The following AFF3 variants were observed in gnomAD, a reference collection of about 807,000 sequenced individuals.
The protein encoded by AFF3 is AF4/FMR2 family member 3.
In AFF3, 32 loss-of-function variants were observed where a neutral mutation model predicts 129.7. The observed-to-expected ratio is 0.25, with a 90% CI of 0.19 to 0.33. The LOEUF (loss-of-function observed/expected upper bound fraction) is 0.33, where lower values mean the gene tolerates loss of function less well. AFF3 is among the 10% of genes least tolerant of loss of function. AFF3 has a pLI of 1.00. For missense variants in AFF3, 1,373 were observed against 1,592.0 expected (o/e 0.86, Z 2.34); for synonymous variants, 644 against 635.4 (o/e 1.01, Z -0.20).
intron 11 of AFF3, among the ~76,000 whole-genome samples, chr2:99,709,488 T>A (rs1677703052): frequency 6.6e-6 from 1 of 152,130 alleles, no homozygotes; most frequent in South Asian, 2.1e-4. Context: ...ACTCACCAAG[T>A]CAGAGAATGT....
intron 10 of AFF3, among the ~76,000 whole-genome samples, chr2:99,727,444 A>G (rs1459102690): frequency 2.6e-5 from 4 of 152,212 alleles, no homozygotes; most frequent in African/African-American, 9.6e-5. Flanking sequence ...CACTTTACAG[A>G]AAATTTCAGG....
intron 8 of AFF3, among the ~76,000 whole-genome samples, chr2:99,821,712 A>G (rs1687698220): frequency 6.6e-6 from 1 of 152,216 alleles, no homozygotes; most frequent in Non-Finnish European, 1.5e-5. Flanking sequence ...GACTGGAAGC[A>G]CAGTAGGTTT....
At chr2:99,574,562 T>A (rs1056298000) in intron 18 of AFF3, among the ~76,000 whole-genome samples, 1 of 152,202 alleles carries the variant, frequency 6.6e-6, no homozygotes, top group Non-Finnish European at 1.5e-5. Flanking sequence ...CAGGCACTCT[T>A]CCCTGGGAAT....
chr2:99,829,727 C>T (rs1688375233), intron 8 of AFF3, among the ~76,000 whole-genome samples: 2 of 152,138 alleles, frequency 1.3e-5, no homozygotes, highest in African/African-American at 4.8e-5. Flanking sequence ...TGTGGCGATT[C>T]CTCAAGGATC....
At chr2:100,135,841 G>T (rs1340711156) in intron 1 of AFF3, among the ~76,000 whole-genome samples, 1 of 152,184 alleles carries the variant, frequency 6.6e-6, no homozygotes, top group Non-Finnish European at 1.5e-5. Flanking sequence ...AGATTACTTT[G>T]GAGAGCAGGG....
intron 8 of AFF3, among the ~76,000 whole-genome samples, chr2:99,768,915 T>A (rs867459132): frequency 2.6e-5 from 4 of 152,356 alleles, no homozygotes; most frequent in Middle Eastern, 3.4e-3. Flanking sequence ...CTTGTTGCTT[T>A]TAGGATTTTG....
At chr2:99,807,919 G>A (rs1686480084) in intron 8 of AFF3, among the ~76,000 whole-genome samples, 1 of 152,132 alleles carries the variant, frequency 6.6e-6, no homozygotes, top group Non-Finnish European at 1.5e-5. Context: ...GTGCCCCTGA[G>A]CCCCTTCCCA....
At chr2:99,976,915 G>A (rs1137627) in intron 7 of AFF3, among the ~76,000 whole-genome samples, 1 of 151,762 alleles carries the variant, frequency 6.6e-6, no homozygotes, top group East Asian at 1.9e-4. Context: ...GGGGAGAAGA[G>A]ACAGCTGAAA....
intron 7 of AFF3, among the ~76,000 whole-genome samples, chr2:99,950,548 T>C (rs1676055726): frequency 6.6e-6 from 1 of 152,224 alleles, no homozygotes; most frequent in South Asian, 2.1e-4. Flanking sequence ...CTACTAATAA[T>C]GAAGATCATA....
intron 8 of AFF3, among the ~76,000 whole-genome samples, chr2:99,754,363 C>T (rs1255637234): frequency 6.6e-6 from 1 of 152,202 alleles, no homozygotes; most frequent in African/African-American, 2.4e-5. Flanking sequence ...ACACAATTTA[C>T]ATTGTCTGAT....
At chr2:100,107,676 C>T (rs1021623347) in intron 2 of AFF3, among the ~76,000 whole-genome samples, 1 of 152,058 alleles carries the variant, frequency 6.6e-6, no homozygotes, top group Non-Finnish European at 1.5e-5. Context: ...CTTGGCTTCC[C>T]GGGTCAGGTT....
intron 8 of AFF3, among the ~76,000 whole-genome samples, chr2:99,790,119 C>G (rs1303465771): frequency 6.6e-6 from 1 of 152,230 alleles, no homozygotes; most frequent in Non-Finnish European, 1.5e-5. Context: ...ATTTACCAAC[C>G]TGCCTTAGAA....
intron 10 of AFF3, 65 bp from the exon 11 acceptor site, chr2:99,727,193 A>G: frequency 7.1e-7 from 1 of 1,401,760 alleles, no homozygotes; most frequent in South Asian, 1.3e-5. Flanking sequence ...TTTAAGAGAG[A>G]TTAAATATAT....
intron 13 of AFF3, among the ~76,000 whole-genome samples, chr2:99,634,664 T>G (rs1683447446): frequency 6.6e-6 from 1 of 152,154 alleles, no homozygotes; most frequent in African/African-American, 2.4e-5. Context: ...GAAATATGTC[T>G]TAGGAAATAA....
intron 9 of AFF3, among the ~76,000 whole-genome samples, chr2:99,750,643 C>T (rs1318868920): frequency 6.6e-6 from 1 of 152,012 alleles, no homozygotes; most frequent in Non-Finnish European, 1.5e-5. Flanking sequence ...TCTTGAACTC[C>T]AGACCTCAAG....
intron 3 of AFF3, chr2:100,104,911 C>T (rs1300494109): frequency 1.1e-5 from 2 of 182,532 alleles, no homozygotes; most frequent in Admixed American, 6.9e-5. Context: ...CACCGTGAGC[C>T]CCGCGCCGCG....
intron 4 of AFF3, among the ~76,000 whole-genome samples, chr2:100,073,970 AC>A (rs1688395762): frequency 6.6e-6 from 1 of 152,260 alleles, no homozygotes; most frequent in Non-Finnish European, 1.5e-5. Context: ...ATAATAGGGT[AC>A]TATAAACACA....
intron 8 of AFF3, among the ~76,000 whole-genome samples, chr2:99,832,622 G>A (rs1349440184): frequency 6.6e-6 from 1 of 152,214 alleles, no homozygotes; most frequent in Non-Finnish European, 1.5e-5. Flanking sequence ...TAATCTCACA[G>A]ATATAAAATG....
intron 7 of AFF3, among the ~76,000 whole-genome samples, chr2:99,913,876 T>C (rs1223544672): frequency 6.6e-6 from 1 of 152,162 alleles, no homozygotes; most frequent in Non-Finnish European, 1.5e-5. Context: ...TAAAAATCCA[T>C]GAGTTCATAC....
Sources: allele counts gnomAD v4.1 joint callset (sites outside exome capture counted in the v4.1 genomes callset), GRCh38; gene constraint gnomAD v4.1.1; transcripts MANE v1.5; gene names NCBI Gene and HGNC (gene_info 2026-07-23, HGNC 2026-07-21).